Variants in CPSF3 observed in about 807,000 individuals in gnomAD.
CPSF3 encodes the protein cleavage and polyadenylation specificity factor subunit 3.
CPSF3 carries 57 observed loss-of-function variants against 84.1 expected under a neutral mutation model. The ratio of observed to expected loss-of-function variants is 0.68; its 90% CI spans 0.55 to 0.85. The LOEUF (loss-of-function observed/expected upper bound fraction) is 0.85, where lower values mean the gene tolerates loss of function less well. Ranked by LOEUF, CPSF3 falls within the 40% of genes least tolerant of loss-of-function variation. The probability of loss-of-function intolerance (pLI) is 0.00; values close to 1 mark genes in which losing one functional copy is unlikely to be tolerated. For missense variants in CPSF3, 522 were observed against 838.8 expected (o/e 0.62, Z 4.66); for synonymous variants, 275 against 278.1 (o/e 0.99, Z 0.11).
chr2:9,443,088 A>G (rs1007539778), intron 9 of CPSF3, among the ~76,000 whole-genome samples: 4 of 152,144 alleles, frequency 2.6e-5, no homozygotes, highest in African/African-American at 7.2e-5. Context: ...GCTTGAACCC[A>G]GGAGGTCGAG....
chr2:9,443,725 C>A, intron 10 of CPSF3, 64 bp downstream of exon 10: 1 of 1,559,154 alleles, frequency 6.4e-7, no homozygotes, highest in Non-Finnish European at 8.8e-7. Context: ...GGAAACTGTG[C>A]AGCAGGCAGT....
At chr2:9,443,916 C>T (rs1217492359) in intron 10 of CPSF3, among the ~76,000 whole-genome samples, 1 of 152,064 alleles carries the variant, frequency 6.6e-6, no homozygotes, top group East Asian at 1.9e-4. Context: ...TTTCTGCTGC[C>T]TCTCCAATAA....
rs543727439 is a variant in CPSF3 at position 9,459,638 on chromosome 2, CTTT to C, written c.1786+46_1786+48del. 12,501 of 301,556 alleles carry C rather than the reference CTTT, an allele frequency of 0.041. 1 individual carries two copies. Among genetic ancestry groups the C allele is most frequent in the South Asian group, 0.071 (2,572 of 36,142 alleles). The allele number at this position is 301,556 out of a possible 1,614,324, so 18.7% of individuals were successfully genotyped here. ...GAAAAGGTAAGAGTTCATTTTTATC[CTTT>C]TTTTTTTTTTTTTTTTTTTTTTTTT... On this transcript the variant is annotated intron_variant, in intron 15 of 17. Transcript: ENST00000238112.
chr2:9,452,729 T>G (rs577182430), intron 11 of CPSF3, among the ~76,000 whole-genome samples, 184 bp from the exon 12 acceptor site: 1 of 152,360 alleles, frequency 6.6e-6, no homozygotes, highest in South Asian at 2.1e-4. Flanking sequence ...CCTTTGACAT[T>G]GGTAGCAATG....
chr2:9,469,851 G>A (rs1294160835), intron 16 of CPSF3, among the ~76,000 whole-genome samples: 1 of 152,218 alleles, frequency 6.6e-6, no homozygotes, highest in Non-Finnish European at 1.5e-5. Context: ...CTTCAGAGAA[G>A]CCAACAGTGG....
chr2:9,461,082 T>C (rs1024827015), intron 15 of CPSF3, among the ~76,000 whole-genome samples: 1 of 152,212 alleles, frequency 6.6e-6, no homozygotes, highest in Non-Finnish European at 1.5e-5. Context: ...ACTTAGACAA[T>C]CTAAATCTGT....
chr2:9,459,130 C>A (rs1331171509), intron 14 of CPSF3, among the ~76,000 whole-genome samples: 4 of 151,826 alleles, frequency 2.6e-5, no homozygotes, highest in South Asian at 2.1e-4. Context: ...AAAAAAATTA[C>A]CCTCTTCGCA....
intron 8 of CPSF3, 57 bp downstream of exon 8, chr2:9,440,723 T>G (rs1236714386): frequency 3.8e-6 from 6 of 1,568,894 alleles, no homozygotes; most frequent in Non-Finnish European, 5.2e-6. Context: ...TCATTAGTAG[T>G]AGGAGGTACG....
chr2:9,469,488 G>GTGCTGCAC (rs1682091053), intron 16 of CPSF3, among the ~76,000 whole-genome samples: 1 of 152,162 alleles, frequency 6.6e-6, no homozygotes, highest in Non-Finnish European at 1.5e-5. Context: ...GCTCTCCCAC[G>GTGCTGCAC]TGCTGCAGTC....
intron 15 of CPSF3, among the ~76,000 whole-genome samples, chr2:9,460,205 G>A (rs185385574): frequency 1.2e-4 from 19 of 152,148 alleles, no homozygotes; most frequent in South Asian, 8.3e-4. Context: ...CCGGGCGCAC[G>A]GATCACAAGG....
chr2:9,453,087 T>G, intron 12 of CPSF3, 66 bp downstream of exon 12: 1 of 963,776 alleles, frequency 1.0e-6, no homozygotes, highest in Non-Finnish European at 1.5e-6. Flanking sequence ...TATGAAAACT[T>G]CTCTTCACCT....
At chr2:9,464,784 G>T (rs1681846580) in intron 15 of CPSF3, among the ~76,000 whole-genome samples, 1 of 151,962 alleles carries the variant, frequency 6.6e-6, no homozygotes, top group Non-Finnish European at 1.5e-5. Context: ...TAGAGACAGG[G>T]TTTCACCATG....
intron 1 of CPSF3, chr2:9,424,031 T>G: frequency 7.7e-7 from 1 of 1,290,584 alleles, no homozygotes; most frequent in Non-Finnish European, 9.8e-7. Flanking sequence ...GGATTTTGCT[T>G]TTTCATCAGT....
chr2:9,428,226 T>C (rs1314466770), intron 1 of CPSF3, among the ~76,000 whole-genome samples: 1 of 150,970 alleles, frequency 6.6e-6, no homozygotes, highest in African/African-American at 2.5e-5. Context: ...CTCGATATCC[T>C]GATCTCGTGA....
intron 1 of CPSF3, chr2:9,424,134 C>A (rs1414816532): frequency 9.0e-7 from 1 of 1,114,780 alleles, no homozygotes; most frequent in Non-Finnish European, 1.1e-6. Flanking sequence ...TCACTTAGCA[C>A]AAGCACGGAT....
In CPSF3 at chr2:9,451,958, C is replaced by T. The variant is rs367933497; in HGVS notation, c.1396-955C>T. Among the ~76,000 whole-genome samples the T allele has an allele frequency of 6.5e-4, 99 of 152,124 alleles. 1 individual carries two copies. The highest frequency in any genetic ancestry group is 2.3e-3 in the African/African-American group (96 of 41,546). On this transcript the variant is annotated intron_variant, in intron 11 of 17. Transcript: ENST00000238112. ...GTCTCAATCTCGTGACCTCATGATC[C>T]GCCTGCCTTGGCCTCCCAAAATGCT...
rs114373351 is a variant in CPSF3 at position 9,433,452 on chromosome 2, A to G, written c.520-419A>G. Among the ~76,000 whole-genome samples, 1,517 of 152,346 alleles carry G rather than the reference A, an allele frequency of 1.0e-2. 23 individuals carry two copies. Among genetic ancestry groups the G allele is most frequent in the African/African-American group, 0.031 (1,290 of 41,578 alleles). Reference sequence around the variant, plus strand: ...ATTCTTGCAGTTTGCTCCAGGGCACAAAAAATAAGTAGCACAAATGCAGAT... The same window carrying G: ...ATTCTTGCAGTTTGCTCCAGGGCACGAAAAATAAGTAGCACAAATGCAGAT... On this transcript the variant is annotated intron_variant, in intron 5 of 17. Coordinates refer to ENST00000238112, the MANE Select transcript of CPSF3 (RefSeq NM_016207.4).
Position 9,452,976 on chromosome 2 carries a change from A to T in CPSF3, c.1459A>T (p.Lys487Ter). 1.2e-6 allele frequency: 2 copies of T among 1,612,382 alleles called. No homozygotes were observed. Among genetic ancestry groups the T allele is most frequent in the Non-Finnish European group, 1.7e-6 (2 of 1,179,502 alleles). The change falls in exon 12 of 18, where the codon AAA (lysine) becomes TAA (stop). Residue 487 changes from lysine (K) to a stop codon, truncating the protein, a stop_gained. Transcript: ENST00000238112. LOFTEE classifies it high-confidence loss of function. The part of the protein sequence containing the change: ...QGQRVSGILV[K>*]RNFNYHILSP... Reference sequence around the variant, plus strand: ...CCAGCGGGTCTCAGGAATACTTGTTAAAAGAAACTTTAATTATCACATACT... The same window carrying T: ...CCAGCGGGTCTCAGGAATACTTGTTTAAAGAAACTTTAATTATCACATACT...
At chr2:9,424,170 G>A (rs1223526775) in intron 1 of CPSF3, 16 of 1,045,236 alleles carry the variant, frequency 1.5e-5, no homozygotes, top group Non-Finnish European at 1.8e-5. Context: ...CAAGCTGTGA[G>A]GGAGCCGGTG....
Sources: gnomAD v4.1 joint callset for allele counts (sites outside exome capture counted in the v4.1 genomes callset) on GRCh38, gnomAD v4.1.1 for gene constraint, MANE v1.5 for transcripts, NCBI Gene and HGNC (gene_info 2026-07-23, HGNC 2026-07-21) for gene names.